Variants in OBI1 observed in about 807,000 individuals in gnomAD.
The protein encoded by OBI1 is ORC ubiquitin ligase 1, also known as ring finger protein 219.
Under a neutral mutation model 62.4 loss-of-function variants are expected in OBI1, and 59 were observed. The ratio of observed to expected loss-of-function variants is 0.95; its 90% confidence interval spans 0.77 to 1.17. The LOEUF is 1.17. Among genes scored for constraint, OBI1 ranks in the 50% most tolerant of loss-of-function variants. OBI1 has a pLI of 0.00. For synonymous variants in OBI1, 302 were observed against 292.8 expected (o/e 1.03, Z -0.32); for missense variants, 875 against 830.9 (o/e 1.05, Z -0.65).
chr13:78,629,472 G>A (rs1313064225), intron 5 of OBI1, among the ~76,000 whole-genome samples: 1 of 151,880 alleles, frequency 6.6e-6, no homozygotes, highest in African/African-American at 2.4e-5. Context: ...CCTGCCTCAA[G>A]TGGCTAGAGA....
chr13:78,654,895 C>G (rs1343384282), intron 1 of OBI1, among the ~76,000 whole-genome samples: 1 of 151,986 alleles, frequency 6.6e-6, no homozygotes, highest in Non-Finnish European at 1.5e-5. Flanking sequence ...CAGCACTATT[C>G]CAGTCCACCT....
At chr13:78,617,976 G>A (rs1226875881) in intron 5 of OBI1, among the ~76,000 whole-genome samples, 1 of 152,040 alleles carries the variant, frequency 6.6e-6, no homozygotes, top group Non-Finnish European at 1.5e-5. Flanking sequence ...TGAGTACTGT[G>A]TTAAGCTCAG....
chr13:78,640,916 G>C (rs1483496970), intron 3 of OBI1, among the ~76,000 whole-genome samples: 2 of 152,122 alleles, frequency 1.3e-5, no homozygotes, highest in Non-Finnish European at 2.9e-5. Flanking sequence ...AATAATATCT[G>C]TAGTTAATTT....
At chr13:78,628,088 T>A (rs537388917) in intron 5 of OBI1, among the ~76,000 whole-genome samples, 257 of 152,316 alleles carry the variant, frequency 1.7e-3, no homozygotes, top group African/African-American at 5.8e-3. Flanking sequence ...ACAGTGATAA[T>A]GGCTGTGAAG....
chr13:78,632,415 T>TC (rs1284437531), intron 5 of OBI1, among the ~76,000 whole-genome samples: 20 of 152,156 alleles, frequency 1.3e-4, no homozygotes, highest in Non-Finnish European at 2.4e-4. Context: ...CTAATATTTT[T>TC]CCCTCTCTAG....
At chr13:78,645,539 A>G (rs1335494977) in intron 1 of OBI1, among the ~76,000 whole-genome samples, 9 of 152,218 alleles carry the variant, frequency 5.9e-5, no homozygotes, top group Non-Finnish European at 1.3e-4. Context: ...ACTCTCAAGT[A>G]GTTTATAATC....
intron 1 of OBI1, among the ~76,000 whole-genome samples, chr13:78,656,907 C>T (rs570797968): frequency 4.0e-5 from 6 of 148,812 alleles, no homozygotes; most frequent in Non-Finnish European, 7.4e-5. Context: ...AAGCAATTCT[C>T]CTGCCTCAAC....
intron 1 of OBI1, among the ~76,000 whole-genome samples, chr13:78,653,097 C>A (rs1055982074): frequency 1.5e-4 from 23 of 152,192 alleles, no homozygotes; most frequent in African/African-American, 5.5e-4. Flanking sequence ...CAGAGACATG[C>A]CTAAGGCTGT....
At chr13:78,656,451 G>T (rs930950269) in intron 1 of OBI1, among the ~76,000 whole-genome samples, 1 of 152,090 alleles carries the variant, frequency 6.6e-6, no homozygotes, top group African/African-American at 2.4e-5. Flanking sequence ...GCGTGGTGGC[G>T]CATGCCTGTA....
At chr13:78,634,575 G>A (rs936400250) in intron 5 of OBI1, among the ~76,000 whole-genome samples, 30 of 152,266 alleles carry the variant, frequency 2.0e-4, no homozygotes, top group African/African-American at 7.0e-4. Context: ...GGGATTACAA[G>A]CATGAGCCAC....
intron 5 of OBI1, among the ~76,000 whole-genome samples, chr13:78,634,763 A>T (rs561148691): frequency 1.8e-4 from 28 of 152,344 alleles, no homozygotes; most frequent in African/African-American, 6.3e-4. Flanking sequence ...AACTATTACT[A>T]AGACTATCTA....
At chr13:78,625,643 A>G (rs1238019244) in intron 5 of OBI1, among the ~76,000 whole-genome samples, 1 of 152,174 alleles carries the variant, frequency 6.6e-6, no homozygotes, top group Admixed American at 6.5e-5. Flanking sequence ...ACTGACAGAA[A>G]ACTGCAGTAC....
At chr13:78,642,090 TA>T in intron 3 of OBI1, 31 bp downstream of exon 3, 1 of 1,320,552 alleles carries the variant, frequency 7.6e-7, no homozygotes. Flanking sequence ...AATTCACTGC[TA>T]ACATAATTTT....
chr13:78,615,186 G>A lies in OBI1; in HGVS notation c.*394C>T, dbSNP rs1166290154. ...TTATTTAAGAAATCCAAGTTCTGAA[G>A]ACAAGTGGGGCTTATCAACAGGCCA... On this transcript the variant is annotated 3_prime_UTR_variant, in exon 6 of 6. Coordinates refer to ENST00000282003, the MANE Select transcript of OBI1 (RefSeq NM_024546.4). The A allele has an allele frequency of 6.3e-6, 1 of 157,852 alleles. No individual in the cohort carries two copies. 9.8% of individuals were successfully genotyped at this position (157,852 alleles called of 1,614,324 possible). A position where few individuals can be genotyped will look rare whatever the true frequency, so the allele number is the denominator to read the frequency against.
chr13:78,657,412 A>G (rs1876745033), intron 1 of OBI1, among the ~76,000 whole-genome samples: 1 of 152,194 alleles, frequency 6.6e-6, no homozygotes, highest in Non-Finnish European at 1.5e-5. Context: ...AAGTCTTAGT[A>G]TTCTGAAGAC....
intron 5 of OBI1, among the ~76,000 whole-genome samples, chr13:78,618,092 T>C (rs1486226846): frequency 6.6e-6 from 1 of 152,112 alleles, no homozygotes; most frequent in African/African-American, 2.4e-5. Flanking sequence ...AATATCTACC[T>C]TAAATTCAAT....
intron 1 of OBI1, among the ~76,000 whole-genome samples, chr13:78,656,819 CAA>C (rs1237955582): frequency 1.1e-5 from 1 of 90,314 alleles, no homozygotes; most frequent in Admixed American, 1.5e-4. Flanking sequence ...TTTTTTGAGA[CAA>C]AGTCTCACTC....
At chr13:78,623,811 A>C (rs1276743762) in intron 5 of OBI1, among the ~76,000 whole-genome samples, 1 of 152,242 alleles carries the variant, frequency 6.6e-6, no homozygotes, top group African/African-American at 2.4e-5. Context: ...GTATGTATGC[A>C]CAAATTCAGT....
intron 1 of OBI1, among the ~76,000 whole-genome samples, chr13:78,655,039 G>A (rs1566288580): frequency 6.6e-6 from 1 of 152,196 alleles, no homozygotes; most frequent in African/African-American, 2.4e-5. Flanking sequence ...CATTAATGCT[G>A]AAAAGCATTA....
Sources: gnomAD v4.1 joint callset for allele counts (sites outside exome capture counted in the v4.1 genomes callset) on GRCh38, gnomAD v4.1.1 for gene constraint, MANE v1.5 for transcripts, NCBI Gene and HGNC (gene_info 2026-07-23, HGNC 2026-07-21) for gene names.